Variants in LYRM4 observed in about 807,000 individuals in gnomAD.
LYRM4 encodes LYR motif containing 4.
LYRM4 carries 9 observed loss-of-function variants against 11.7 expected under a neutral mutation model. The ratio of observed to expected loss-of-function variants is 0.77; its 90% CI spans 0.46 to 1.34. The LOEUF (loss-of-function observed/expected upper bound fraction) is 1.34, where lower values mean the gene tolerates loss of function less well. Ranked by LOEUF, LYRM4 falls within the 40% of genes most tolerant of loss-of-function variation. LYRM4 has a pLI of 0.00. For synonymous variants in LYRM4, 42 were observed against 40.4 expected, an observed-to-expected ratio of 1.04 and a Z score of -0.15; for missense variants, 133 against 112.5, an observed-to-expected ratio of 1.18 and a Z score of -0.82.
chr6:5,063,569 C>G, the LYRM4 span, among the ~76,000 whole-genome samples: 46 of 152,262 alleles, frequency 3.0e-4, no homozygotes, highest in African/African-American at 1.1e-3. Context: ...GGAAGAAGCT[C>G]CCGATCCCTG....
chr6:5,043,991 C>T, the LYRM4 span, among the ~76,000 whole-genome samples: 13 of 152,218 alleles, frequency 8.5e-5, no homozygotes, highest in African/African-American at 2.4e-4. Flanking sequence ...CTCCTGCTTC[C>T]CTGTGCGGCC....
chr6:5,052,635 A>G, the LYRM4 span, among the ~76,000 whole-genome samples: 1,626 of 152,322 alleles, frequency 0.011, 32 homozygotes, highest in African/African-American at 0.035. Flanking sequence ...TAAAGATGAA[A>G]AATATTCTAG....
At chr6:5,132,923 A>G (rs888679880) in intron 2 of LYRM4, 4 of 152,220 alleles carry the variant, frequency 2.6e-5, no homozygotes, top group African/African-American at 9.7e-5. Context: ...CTTGCAAGGA[A>G]ATGACATTTC....
intron 2 of LYRM4, among the ~76,000 whole-genome samples, chr6:5,110,704 G>C (rs1762842260): frequency 6.6e-6 from 1 of 152,138 alleles, no homozygotes; most frequent in Non-Finnish European, 1.5e-5. Flanking sequence ...AACCAAAAGA[G>C]GTAGGTAGGA....
At chr6:5,102,313 G>C (rs892061014), downstream of LYRM4, among the ~76,000 whole-genome samples, 4 of 152,168 alleles carry the variant, frequency 2.6e-5, no homozygotes, top group Non-Finnish European at 4.4e-5. Flanking sequence ...TTCTTGACAA[G>C]ACTCTTAGCC....
chr6:5,234,268 G>A (rs1763407962), intron 1 of LYRM4, among the ~76,000 whole-genome samples: 1 of 152,190 alleles, frequency 6.6e-6, no homozygotes, highest in Non-Finnish European at 1.5e-5. Context: ...TCCCTAAGAT[G>A]TGGACAAAAC....
intron 2 of LYRM4, among the ~76,000 whole-genome samples, chr6:5,128,008 T>G (rs1763774992): frequency 6.6e-6 from 1 of 152,234 alleles, no homozygotes; most frequent in Admixed American, 6.5e-5. Context: ...GGAGACATCC[T>G]GCCGAATTAT....
At chr6:5,244,057 G>A (rs2773307) in intron 1 of LYRM4, among the ~76,000 whole-genome samples, 47,204 of 152,156 alleles carry the variant, frequency 0.31, 9,813 homozygotes, top group African/African-American at 0.59. Context: ...TCCCAGACAT[G>A]CGATGGTTTG....
intron 2 of LYRM4, chr6:5,113,089 C>T (rs113746190): frequency 0.026 from 5,527 of 213,742 alleles, 75 homozygotes; most frequent in Middle Eastern, 0.072. Flanking sequence ...CAGGTCAAGG[C>T]GAAGAAGAGG....
intron 1 of LYRM4, among the ~76,000 whole-genome samples, chr6:5,250,713 T>C (rs1004089538): frequency 2.1e-5 from 3 of 141,036 alleles, no homozygotes; most frequent in African/African-American, 8.5e-5. Context: ...GTAATATAAA[T>C]TCAGAACAAA....
intron 1 of LYRM4, among the ~76,000 whole-genome samples, chr6:5,256,262 G>C (rs1226498888): frequency 6.6e-6 from 1 of 151,890 alleles, no homozygotes; most frequent in Admixed American, 6.6e-5. Flanking sequence ...GGCCGAGGTG[G>C]GCGGATCACC....
chr6:5,219,394 G>C (rs1302105394), intron 1 of LYRM4, among the ~76,000 whole-genome samples: 1 of 152,194 alleles, frequency 6.6e-6, no homozygotes, highest in Non-Finnish European at 1.5e-5. Context: ...GCAATCAAGA[G>C]TCATGATTCA....
chr6:5,217,211 A>G (rs1233883032), intron 1 of LYRM4, among the ~76,000 whole-genome samples: 1 of 152,248 alleles, frequency 6.6e-6, no homozygotes, highest in East Asian at 1.9e-4. Context: ...ATGTACCCAG[A>G]TAGTGACCTA....
intron 2 of LYRM4, among the ~76,000 whole-genome samples, chr6:5,167,534 C>A (rs983610138): frequency 1.3e-5 from 2 of 152,202 alleles, no homozygotes; most frequent in African/African-American, 4.8e-5. Flanking sequence ...CCTTTTATAT[C>A]CATAATAGCA....
intron 2 of LYRM4, among the ~76,000 whole-genome samples, chr6:5,153,814 T>C (rs1758228250): frequency 6.6e-6 from 1 of 152,188 alleles, no homozygotes; most frequent in African/African-American, 2.4e-5. Flanking sequence ...ATATATGCTG[T>C]GAATACAGAC....
intron 1 of LYRM4, among the ~76,000 whole-genome samples, chr6:5,242,735 G>A (rs1184547021): frequency 1.3e-5 from 2 of 149,316 alleles, no homozygotes; most frequent in African/African-American, 4.9e-5. Flanking sequence ...AACAACAACA[G>A]CAACAACATG....
chr6:5,125,835 T>G (rs1451348219), intron 2 of LYRM4, among the ~76,000 whole-genome samples: 1 of 152,226 alleles, frequency 6.6e-6, no homozygotes, highest in East Asian at 1.9e-4. Context: ...AAACTCAGCC[T>G]GCAGTAAGTG....
intron 1 of LYRM4, among the ~76,000 whole-genome samples, chr6:5,247,710 G>C (rs1385893695): frequency 6.6e-6 from 1 of 152,084 alleles, no homozygotes; most frequent in Non-Finnish European, 1.5e-5. Flanking sequence ...AACCCTTTCA[G>C]AACATCACAC....
At chr6:5,048,715 C>G in the LYRM4 span, among the ~76,000 whole-genome samples, 1 of 152,138 alleles carries the variant, frequency 6.6e-6, no homozygotes, top group African/African-American at 2.4e-5. Context: ...CTTCAGAGCC[C>G]CATGTGTACA....
Sources: gnomAD v4.1 joint callset for allele counts (sites outside exome capture counted in the v4.1 genomes callset) on GRCh38, gnomAD v4.1.1 for gene constraint, MANE v1.5 for transcripts, NCBI Gene and HGNC (gene_info 2026-07-23, HGNC 2026-07-21) for gene names.